Variants in RBMS3 observed in about 807,000 individuals in gnomAD.
The protein encoded by RBMS3 is RNA-binding motif, single-stranded-interacting protein 3.
A neutral mutation model predicts 66.8 loss-of-function variants in RBMS3; 27 were observed. The observed-to-expected ratio is 0.40, with a 90% CI of 0.30 to 0.56. RBMS3 has a LOEUF of 0.56. RBMS3 is among the 20% of genes least tolerant of loss of function. RBMS3 has a pLI of 0.40. For synonymous variants in RBMS3, 188 were observed against 183.0 expected, an observed-to-expected ratio of 1.03 and a Z score of -0.22; for missense variants, 513 against 549.5, an observed-to-expected ratio of 0.93 and a Z score of 0.66.
chr3:29,870,125 AAAAGAT>A (rs1196727528), intron 7 of RBMS3, among the ~76,000 whole-genome samples: 1 of 152,206 alleles, frequency 6.6e-6, no homozygotes, highest in East Asian at 1.9e-4. Flanking sequence ...AAGCTAATAA[AAAAGAT>A]AAAGAGTTTT....
intron 3 of RBMS3, among the ~76,000 whole-genome samples, chr3:29,572,176 G>A (rs2046972632): frequency 6.6e-6 from 1 of 152,078 alleles, no homozygotes; most frequent in African/African-American, 2.4e-5. Flanking sequence ...ATTTTTGGTA[G>A]AGTCTTTTAA....
At chr3:29,419,736 T>C (rs762788798) in intron 1 of RBMS3, among the ~76,000 whole-genome samples, 1 of 152,204 alleles carries the variant, frequency 6.6e-6, no homozygotes, top group Non-Finnish European at 1.5e-5. Flanking sequence ...CCATATGATG[T>C]TGGCTATAGG....
At position 29,803,875 on chromosome 3, in the gene RBMS3, T is replaced by C. The variant is rs186958031; in HGVS notation, c.637+40886T>C. On this transcript the variant is annotated intron_variant, in intron 6 of 14. Transcript: ENST00000383767. Reference sequence around the variant, plus strand: ...GTAATTATTGTCAAATGAGTAATTATAAAGAATTTAATCACATTTAATTTG... The same window carrying C: ...GTAATTATTGTCAAATGAGTAATTACAAAGAATTTAATCACATTTAATTTG... 4.1e-4 allele frequency among the ~76,000 whole-genome samples: 63 copies of C among 152,238 alleles called. No individual in the cohort carries two copies. In the East Asian group the frequency reaches 0.012, roughly 28 times the overall value.
At chr3:29,471,718 G>GTTTTT (rs397793236) in intron 2 of RBMS3, among the ~76,000 whole-genome samples, 3 of 71,170 alleles carry the variant, frequency 4.2e-5, no homozygotes, top group African/African-American at 1.2e-4. Flanking sequence ...TGAGGACTTA[G>GTTTTT]TTTTTTTTTT....
intron 6 of RBMS3, among the ~76,000 whole-genome samples, chr3:29,828,266 C>A (rs1048404623): frequency 6.6e-6 from 1 of 152,164 alleles, no homozygotes; most frequent in Non-Finnish European, 1.5e-5. Context: ...CGTCTGGTGG[C>A]TCTTTCCTTC....
intron 4 of RBMS3, among the ~76,000 whole-genome samples, chr3:29,594,421 C>A (rs1388344578): frequency 2.0e-5 from 3 of 152,132 alleles, no homozygotes; most frequent in Non-Finnish European, 4.4e-5. Flanking sequence ...CTTTAAATAA[C>A]TGTGATTCCA....
intron 3 of RBMS3, among the ~76,000 whole-genome samples, chr3:29,582,607 A>G (rs1028511777): frequency 6.6e-6 from 1 of 152,218 alleles, no homozygotes; most frequent in Non-Finnish European, 1.5e-5. Context: ...GGATTTTAGC[A>G]GTTACCGGAA....
In RBMS3 at chr3:29,680,744, A is replaced by AT. The variant is rs369376425; in HGVS notation, c.400-58969dup. On this transcript the variant is annotated intron_variant, in intron 4 of 14. Coordinates refer to ENST00000383767, the MANE Select transcript of RBMS3 (RefSeq NM_001003793.3). ...TGCCCGTCACTCTTTCATTCATCCTATTTTTTTCAATAAGGCATCTATTAC... is the reference window on the plus strand; with the variant it reads ...TGCCCGTCACTCTTTCATTCATCCTATTTTTTTTCAATAAGGCATCTATTAC... Among the ~76,000 whole-genome samples, 314 of 152,060 alleles carry AT rather than the reference A, an allele frequency of 2.1e-3. 2 individuals carry two copies. The highest frequency in any genetic ancestry group is 6.7e-3 in the African/African-American group (279 of 41,454).
In RBMS3 at chr3:30,006,829, G is replaced by T. The variant is rs1017407278; in HGVS notation, c.*2967G>T. On this transcript the variant is annotated 3_prime_UTR_variant, in exon 15 of 15. Coordinates refer to ENST00000383767, the MANE Select transcript of RBMS3 (RefSeq NM_001003793.3). Reference sequence around the variant, plus strand: ...GGTAGCTACCATGTGGCTAATGAATGTGCCTAGGTAACTTCCTGTTTCTAT... The same window carrying T: ...GGTAGCTACCATGTGGCTAATGAATTTGCCTAGGTAACTTCCTGTTTCTAT... 6.6e-6 allele frequency: 1 copy of T among 151,980 alleles called. No homozygotes were observed. Among genetic ancestry groups the T allele is most frequent in the African/African-American group, 2.4e-5 (1 of 41,406 alleles). 9.4% of individuals were successfully genotyped at this position (151,980 alleles called of 1,614,324 possible).
chr3:29,775,002 A>C (rs1576767606), intron 6 of RBMS3, among the ~76,000 whole-genome samples: 1 of 151,856 alleles, frequency 6.6e-6, no homozygotes. Flanking sequence ...AATTTTTCAG[A>C]GTGTAAAGAG....
At position 29,408,038 on chromosome 3, in the gene RBMS3, C is replaced by T. The variant is rs1010356269; in HGVS notation, c.76-26705C>T. Among the ~76,000 whole-genome samples the T allele has an allele frequency of 9.9e-5, 15 of 151,950 alleles. No homozygotes were observed. In the South Asian group the frequency reaches 1.5e-3, roughly 15 times the overall value. On this transcript the variant is annotated intron_variant, in intron 1 of 14. Transcript: ENST00000383767. ...CTGTAATCCCAGCACTTTGGGAGGC[C>T]GAGGTGGGCAGATCACGAGGTCAGG...
At chr3:29,790,910 G>T (rs940959980) in intron 6 of RBMS3, among the ~76,000 whole-genome samples, 36 of 151,998 alleles carry the variant, frequency 2.4e-4, no homozygotes, top group Non-Finnish European at 2.8e-4. Flanking sequence ...ATTCTTTTTG[G>T]TGAATGTCCC....
intron 4 of RBMS3, among the ~76,000 whole-genome samples, chr3:29,645,856 C>G (rs1428633255): frequency 2.0e-5 from 3 of 152,000 alleles, no homozygotes; most frequent in East Asian, 1.9e-4. Context: ...TGAATTACCA[C>G]TGGGTCACTG....
chr3:29,444,618 G>C (rs913074737), intron 2 of RBMS3, among the ~76,000 whole-genome samples: 14 of 151,808 alleles, frequency 9.2e-5, no homozygotes, highest in African/African-American at 3.4e-4. Flanking sequence ...TTGAATACTT[G>C]CTGAGAAGTC....
In RBMS3 at chr3:29,454,972, C is replaced by T. The variant is rs142680954; in HGVS notation, c.248+20057C>T. 4.0e-3 allele frequency among the ~76,000 whole-genome samples: 613 copies of T among 152,220 alleles called. 5 individuals are homozygous for T. The highest frequency in any genetic ancestry group is 0.014 in the African/African-American group (584 of 41,544). ...TATGCATTTCAACGTCAAAATAGCACATTGGTATTTGGCATTTTTGTTCAT... is the reference window on the plus strand; with the variant it reads ...TATGCATTTCAACGTCAAAATAGCATATTGGTATTTGGCATTTTTGTTCAT... On this transcript the variant is annotated intron_variant, in intron 2 of 14. Transcript: ENST00000383767.
At chr3:29,707,527 A>T (rs1365416687) in intron 4 of RBMS3, among the ~76,000 whole-genome samples, 1 of 152,224 alleles carries the variant, frequency 6.6e-6, no homozygotes, top group Non-Finnish European at 1.5e-5. Flanking sequence ...TACTATAAAA[A>T]CAAACAAAAC....
chr3:29,526,478 G>A lies in RBMS3; in HGVS notation c.307+37979G>A, dbSNP rs549895053. On this transcript the variant is annotated intron_variant, in intron 3 of 14. Transcript: ENST00000383767. ...AGAGCTTTCAGTGAGCCGAGATCGC[G>A]CCACTGCACTCCAGCCTGGACGACA... Among the ~76,000 whole-genome samples, 211 of 124,132 alleles carry A rather than the reference G, an allele frequency of 1.7e-3. 1 individual carries two copies. The highest frequency in any genetic ancestry group is 6.3e-3 in the African/African-American group (202 of 31,962). The allele number at this position is 124,132 out of a possible 152,430, so 81.4% of individuals were successfully genotyped here.
intron 12 of RBMS3, among the ~76,000 whole-genome samples, chr3:29,987,554 A>C (rs1198442194): frequency 6.6e-6 from 1 of 152,220 alleles, no homozygotes; most frequent in African/African-American, 2.4e-5. Flanking sequence ...AAATGGGAGA[A>C]GGGAACAATA....
Position 29,505,981 on chromosome 3 carries a change from T to A in RBMS3, c.307+17482T>A, listed in dbSNP as rs143232903. ...AGTTCCAATAGTTTTTTGGTGGAAT[T>A]TTTTAGGCTACATTATAGATAAAAT... On this transcript the variant is annotated intron_variant, in intron 3 of 14. Transcript: ENST00000383767. Among the ~76,000 whole-genome samples, 399 of 152,046 alleles carry A rather than the reference T, an allele frequency of 2.6e-3. 4 individuals carry two copies. The highest frequency in any genetic ancestry group is 9.0e-3 in the African/African-American group (373 of 41,538).
Sources: allele counts gnomAD v4.1 joint callset (sites outside exome capture counted in the v4.1 genomes callset), GRCh38; gene constraint gnomAD v4.1.1; transcripts MANE v1.5; gene names NCBI Gene and HGNC (gene_info 2026-07-23, HGNC 2026-07-21).